Variants in EIF3M observed in about 807,000 individuals in gnomAD.
EIF3M encodes eukaryotic translation initiation factor 3 subunit M, also known as B5 receptor.
EIF3M carries 25 observed loss-of-function variants against 49.7 expected under a neutral mutation model. The ratio of observed to expected loss-of-function variants is 0.50; its 90% CI spans 0.37 to 0.70. EIF3M has a LOEUF of 0.70. Among genes scored for constraint, EIF3M ranks in the 30% least tolerant of loss-of-function variants. The probability of loss-of-function intolerance (pLI) is 0.00; values close to 1 mark genes in which losing one functional copy is unlikely to be tolerated. For missense variants in EIF3M, 350 were observed against 440.0 expected (o/e 0.80, Z 1.83); for synonymous variants, 156 against 149.8 (o/e 1.04, Z -0.30).
At position 32,594,918 on chromosome 11, in the gene EIF3M, A is replaced by G. The variant is rs1412359201; in HGVS notation, c.622A>G (p.Ile208Val). The G allele has an allele frequency of 1.9e-6, 3 of 1,612,070 alleles. No individual in the cohort carries two copies. The South Asian group carries it at 3.3e-5, about 18-fold the overall frequency. The part of the protein sequence containing the change: ...SQARVDAHRC[I>V]VRALKDPNAF... The stretch of plus-strand genomic sequence containing the variant: ...CATTTTTGTTCTCTAATTAAGGTGT[A>G]TTGTACGAGCATTGAAAGATCCAAA... The change falls in exon 7 of 11, where the codon ATT (isoleucine) becomes GTT (valine). Residue 208 changes from isoleucine to valine, a missense_variant. Transcript: ENST00000531120.
intron 9 of EIF3M, 134 bp downstream of exon 9, chr11:32,600,966 T>G: frequency 2.6e-6 from 3 of 1,138,248 alleles, no homozygotes; most frequent in Non-Finnish European, 3.6e-6. Flanking sequence ...TTTAGTAGAT[T>G]AGTGGATATA....
In EIF3M at chr11:32,602,724, C is replaced by T. The variant is rs1590533680; in HGVS notation, c.*325C>T. On this transcript the variant is annotated 3_prime_UTR_variant, in exon 11 of 11. Coordinates refer to ENST00000531120, the MANE Select transcript of EIF3M (RefSeq NM_006360.6). ...GGAAAAGCAAAGACAAACTGTAGAGCTTTAAATACAACAGTCATTTTATTC... is the reference window on the plus strand; with the variant it reads ...GGAAAAGCAAAGACAAACTGTAGAGTTTTAAATACAACAGTCATTTTATTC... 1 of 1,068,114 alleles carries T rather than the reference C, an allele frequency of 9.4e-7. No homozygotes were observed. Among genetic ancestry groups the T allele is most frequent in the South Asian group, 1.7e-5 (1 of 58,112 alleles). 66.2% of individuals were successfully genotyped at this position (1,068,114 alleles called of 1,614,324 possible). A position where few individuals can be genotyped will look rare whatever the true frequency, so the allele number is the denominator to read the frequency against.
intron 2 of EIF3M, 118 bp downstream of exon 2, chr11:32,587,262 A>AGCCTTCTGTATCTG: frequency 2.0e-6 from 2 of 982,758 alleles, no homozygotes; most frequent in Non-Finnish European, 2.9e-6. Context: ...TCAGATACAG[A>AGCCTTCTGTATCTG]AGGCTGACTG....
chr11:32,603,031 TA>T lies in EIF3M; in HGVS notation c.*635del, dbSNP rs756617936. 2 of 1,576,414 alleles carry T rather than the reference TA, an allele frequency of 1.3e-6. No individual in the cohort carries two copies. Among genetic ancestry groups the T allele is most frequent in the Non-Finnish European group, 8.6e-7 (1 of 1,164,866 alleles). ...AGGCTTTGTTTTCACCTGGGAAAGA[TA>T]AACTAATTTTACCTTCGAAATTATT... is the stretch of plus-strand genomic sequence containing the variant. On this transcript the variant is annotated 3_prime_UTR_variant, in exon 11 of 11. Transcript: ENST00000531120.
chr11:32,595,722 C>T (rs994671119), intron 7 of EIF3M, among the ~76,000 whole-genome samples: 2 of 152,132 alleles, frequency 1.3e-5, no homozygotes, highest in South Asian at 4.1e-4. Context: ...TGGACTATGC[C>T]ATTAGCCATC....
At position 32,602,444 on chromosome 11, in the gene EIF3M, A is replaced by G. The variant is rs758766576; in HGVS notation, c.*45A>G. 6.3e-7 allele frequency: 1 copy of G among 1,592,916 alleles called. No homozygotes were observed. The highest frequency in any genetic ancestry group is 1.1e-5 in the South Asian group (1 of 87,082). On this transcript the variant is annotated 3_prime_UTR_variant, in exon 11 of 11. Transcript: ENST00000531120. The stretch of plus-strand genomic sequence containing the variant: ...TTGTTCTTTGAAAAAAAAGCCCTAA[A>G]TCATAGTAAAACATTATAAACTAAA...
chr11:32,603,154 T>C lies in EIF3M; in HGVS notation c.*755T>C. 7.6e-6 allele frequency: 5 copies of C among 654,858 alleles called. No individual in the cohort carries two copies. The Admixed American group carries it at 9.7e-5, about 13-fold the overall frequency. The allele number at this position is 654,858 out of a possible 1,614,324, so 40.6% of individuals were successfully genotyped here. On this transcript the variant is annotated 3_prime_UTR_variant, in exon 11 of 11. Transcript: ENST00000531120. ...CTGATTTCCACTACCTTAGTAGTTCTGGCACCAGAAAAGTATACAATGTGA... is the reference window on the plus strand; with the variant it reads ...CTGATTTCCACTACCTTAGTAGTTCCGGCACCAGAAAAGTATACAATGTGA...
chr11:32,583,950 G>A (rs1854947879), intron 1 of EIF3M, 21 bp downstream of exon 1: 1 of 1,612,046 alleles, frequency 6.2e-7, no homozygotes, highest in East Asian at 2.2e-5. Context: ...GTCTACGGGT[G>A]CCGCCACGGT....
At chr11:32,584,771 G>C (rs1854968833) in intron 1 of EIF3M, among the ~76,000 whole-genome samples, 1 of 152,106 alleles carries the variant, frequency 6.6e-6, no homozygotes, top group South Asian at 2.1e-4. Flanking sequence ...AATTCTGTGA[G>C]GCATACACCT....
At chr11:32,584,064 G>A in intron 1 of EIF3M, 135 bp downstream of exon 1, 2 of 1,209,366 alleles carry the variant, frequency 1.7e-6, no homozygotes, top group Admixed American at 2.4e-5. Context: ...TGGGGAGGCC[G>A]GTGGCTGGGG....
intron 1 of EIF3M, among the ~76,000 whole-genome samples, chr11:32,584,687 T>A (rs1240048105): frequency 6.6e-6 from 1 of 151,732 alleles, no homozygotes; most frequent in Non-Finnish European, 1.5e-5. Context: ...ATTTTACACT[T>A]GCTTTCTATT....
At chr11:32,598,011 T>C (rs1429824621) in intron 8 of EIF3M, among the ~76,000 whole-genome samples, 4 of 152,088 alleles carry the variant, frequency 2.6e-5, no homozygotes, top group Admixed American at 6.5e-5. Flanking sequence ...CAAGATAAAG[T>C]AGATGTAAGT....
chr11:32,596,584 G>C (rs1393559999), intron 8 of EIF3M, among the ~76,000 whole-genome samples: 1 of 132,082 alleles, frequency 7.6e-6, no homozygotes, highest in Non-Finnish European at 1.6e-5. Context: ...CTCGGCAACA[G>C]AGCAAGAGTC....
At chr11:32,592,921 T>G in intron 5 of EIF3M, 1 of 246,972 alleles carries the variant, frequency 4.0e-6, no homozygotes, top group Non-Finnish European at 8.0e-6. Flanking sequence ...GCCTCCTTAG[T>G]AGGTGGGACT....
Position 32,594,170 on chromosome 11 carries a change from G to C in EIF3M, c.617+221G>C, listed in dbSNP as rs149731130. The C allele has an allele frequency of 2.2e-3, 661 of 305,576 alleles. 6 individuals are homozygous for C. The highest frequency in any genetic ancestry group is 0.013 in the African/African-American group (611 of 45,800). The allele number at this position is 305,576 out of a possible 1,614,324, so 18.9% of individuals were successfully genotyped here. Reference sequence around the variant, plus strand: ...AGTAGCTGCATGGCGTTTACCTGGCGGGGGGGGTATTGCTGGTATGGGGAT... The same window carrying C: ...AGTAGCTGCATGGCGTTTACCTGGCCGGGGGGGTATTGCTGGTATGGGGAT... On this transcript the variant is annotated intron_variant, in intron 6 of 10. Coordinates refer to ENST00000531120, the MANE Select transcript of EIF3M (RefSeq NM_006360.6).
chr11:32,605,131 C>A lies in EIF3M; in HGVS notation c.*2732C>A, dbSNP rs1251177912. The A allele has an allele frequency of 6.6e-6, 1 of 151,032 alleles. No homozygotes were observed. Among genetic ancestry groups the A allele is most frequent in the Non-Finnish European group, 1.5e-5 (1 of 67,946 alleles). The allele number at this position is 151,032 out of a possible 1,614,324, so 9.4% of individuals were successfully genotyped here. The stretch of plus-strand genomic sequence containing the variant: ...CCTCCCAAAGTGTTGGGATTACAGG[C>A]ATGAGCCACCCTGCCCGACCTAGTA... On this transcript the variant is annotated 3_prime_UTR_variant, in exon 11 of 11. Coordinates refer to ENST00000531120, the MANE Select transcript of EIF3M (RefSeq NM_006360.6).
Position 32,605,169 on chromosome 11 carries a change from T to C in EIF3M, c.*2770T>C, listed in dbSNP as rs532519772. On this transcript the variant is annotated 3_prime_UTR_variant, in exon 11 of 11. Coordinates refer to ENST00000531120, the MANE Select transcript of EIF3M (RefSeq NM_006360.6). The stretch of plus-strand genomic sequence containing the variant: ...GCCCGACCTAGTAATACTTTTTTTT[T>C]TTTTTTTTTTTAATGAACTTAAATG... The C allele has an allele frequency of 6.6e-6, 1 of 151,496 alleles. No individual in the cohort carries two copies. The highest frequency in any genetic ancestry group is 6.6e-5 in the Admixed American group (1 of 15,208). The allele number at this position is 151,496 out of a possible 1,614,324, so 9.4% of individuals were successfully genotyped here. A position where few individuals can be genotyped will look rare whatever the true frequency, so the allele number is the denominator to read the frequency against.
In EIF3M at chr11:32,587,120, G is replaced by A; in HGVS notation, c.151G>A (p.Val51Met). Residue 51 changes from valine (V) to methionine (M), a missense_variant, in exon 2 of 11, where the codon GTG (valine) becomes ATG (methionine). Physicochemically the swap from Val to Met is conservative, Grantham distance 21. Coordinates refer to ENST00000531120, the MANE Select transcript of EIF3M (RefSeq NM_006360.6). ...DLAQIIEACD[V>M]CLKEDDKDVE... The stretch of plus-strand genomic sequence containing the variant: ...AGCTCAAATTATTGAAGCCTGTGAT[G>A]TGTGTCTGAAGGAGGATGATAAAGG... 3 of 1,611,204 alleles carry A rather than the reference G, an allele frequency of 1.9e-6. No individual in the cohort carries two copies. Among genetic ancestry groups the A allele is most frequent in the Non-Finnish European group, 2.5e-6 (3 of 1,178,060 alleles).
intron 7 of EIF3M, 127 bp downstream of exon 7, chr11:32,595,140 T>C (rs928556325): frequency 3.9e-6 from 3 of 763,492 alleles, no homozygotes; most frequent in Admixed American, 6.0e-5. Flanking sequence ...TTAAGAACTA[T>C]GTATTCTTTT....
Sources: allele counts gnomAD v4.1 joint callset (sites outside exome capture counted in the v4.1 genomes callset), GRCh38; gene constraint gnomAD v4.1.1; transcripts MANE v1.5; gene names NCBI Gene and HGNC (gene_info 2026-07-23, HGNC 2026-07-21).